The following MLLT10 variants were observed in gnomAD, a reference collection of about 807,000 sequenced individuals.
MLLT10 encodes the protein protein AF-10.
Under a neutral mutation model 129.1 loss-of-function variants are expected in MLLT10, and 30 were observed. That is an observed-to-expected ratio of 0.23 (90% confidence interval 0.17 to 0.32). The LOEUF (loss-of-function observed/expected upper bound fraction) is 0.32, where lower values mean the gene tolerates loss of function less well. MLLT10 is among the 10% of genes least tolerant of loss of function. The pLI, the probability that MLLT10 is intolerant of heterozygous loss-of-function variation, is 1.00. For synonymous variants in MLLT10, 490 were observed against 446.4 expected, an observed-to-expected ratio of 1.10 and a Z score of -1.23; for missense variants, 1,119 against 1,268.3, an observed-to-expected ratio of 0.88 and a Z score of 1.79.
At chr10:21,626,298 G>C in intron 8 of MLLT10, 1 of 1,275,540 alleles carries the variant, frequency 7.8e-7, no homozygotes, top group Non-Finnish European at 1.1e-6. Context: ...GGGCAGAGCA[G>C]GGGCTGGTGG....
At chr10:21,534,948 G>A (rs1483060573) in intron 2 of MLLT10, 144 bp downstream of exon 2, 1 of 342,140 alleles carries the variant, frequency 2.9e-6, no homozygotes, top group Non-Finnish European at 4.1e-6. Context: ...GGCGCGGGGG[G>A]TGTGGGCCGC....
intron 5 of MLLT10, among the ~76,000 whole-genome samples, chr10:21,609,463 C>T (rs986472503): frequency 5.3e-5 from 8 of 152,152 alleles, no homozygotes; most frequent in Non-Finnish European, 8.8e-5. Flanking sequence ...GCCCCCTGAG[C>T]TTTATTGATT....
intron 6 of MLLT10, among the ~76,000 whole-genome samples, chr10:21,614,460 T>C (rs2045025156): frequency 6.6e-6 from 1 of 152,138 alleles, no homozygotes; most frequent in South Asian, 2.1e-4. Flanking sequence ...GGCCTTTCCA[T>C]TTGTACCTGT....
In MLLT10 at chr10:21,743,207, A is replaced by G. The variant is rs1833892765; in HGVS notation, c.*1224A>G. ...TAGTGGAAAAGACCCAGCTGTAATTAGACCTCCACTGTGTACTTAGCTGGA... is the reference window on the plus strand; with the variant it reads ...TAGTGGAAAAGACCCAGCTGTAATTGGACCTCCACTGTGTACTTAGCTGGA... On this transcript the variant is annotated 3_prime_UTR_variant, in exon 23 of 23. Transcript: ENST00000307729. 1 of 229,026 alleles carries G rather than the reference A, an allele frequency of 4.4e-6. No individual in the cohort carries two copies. Among genetic ancestry groups the G allele is most frequent in the Non-Finnish European group, 8.7e-6 (1 of 115,302 alleles). The allele number at this position is 229,026 out of a possible 1,614,324, so 14.2% of individuals were successfully genotyped here. A position where few individuals can be genotyped will look rare whatever the true frequency, so the allele number is the denominator to read the frequency against.
At chr10:21,740,597 CT>C (rs1275637075) in intron 22 of MLLT10, among the ~76,000 whole-genome samples, 1 of 152,056 alleles carries the variant, frequency 6.6e-6, no homozygotes, top group Admixed American at 6.6e-5. Context: ...CTCCAAAGTG[CT>C]TTTTACACAT....
chr10:21,712,420 C>A (rs1219012925), intron 13 of MLLT10, among the ~76,000 whole-genome samples: 1 of 152,076 alleles, frequency 6.6e-6, no homozygotes, highest in African/African-American at 2.4e-5. Flanking sequence ...CTTTGTTGTC[C>A]AGGCTATGTT....
chr10:21,738,513 TGTC>T (rs1378613261), intron 21 of MLLT10: 1 of 1,288,180 alleles, frequency 7.8e-7, no homozygotes, highest in Admixed American at 2.3e-5. Context: ...CATCTGCCAA[TGTC>T]GTGGGCTAAA....
At chr10:21,547,844 A>G (rs1447924766) in intron 3 of MLLT10, among the ~76,000 whole-genome samples, 1 of 152,078 alleles carries the variant, frequency 6.6e-6, no homozygotes, top group East Asian at 1.9e-4. Flanking sequence ...TCTTATTTTG[A>G]ATCTTCTAAA....
At chr10:21,668,203 A>G (rs72794874) in intron 9 of MLLT10, among the ~76,000 whole-genome samples, 10 of 152,166 alleles carry the variant, frequency 6.6e-5, no homozygotes, top group African/African-American at 2.2e-4. Flanking sequence ...TGTTCATACT[A>G]TGATAGACAT....
chr10:21,589,652 A>G (rs1032735082), intron 4 of MLLT10, among the ~76,000 whole-genome samples: 1 of 152,114 alleles, frequency 6.6e-6, no homozygotes, highest in Non-Finnish European at 1.5e-5. Context: ...CCATCTCCAG[A>G]CATATATTTT....
intron 8 of MLLT10, among the ~76,000 whole-genome samples, chr10:21,647,167 AT>A (rs1030439336): frequency 6.6e-6 from 1 of 151,672 alleles, no homozygotes; most frequent in African/African-American, 2.4e-5. Context: ...TCTGTGACTT[AT>A]TTTAATGGCC....
At chr10:21,739,522 T>G (rs547698348) in intron 21 of MLLT10, among the ~76,000 whole-genome samples, 3 of 152,334 alleles carry the variant, frequency 2.0e-5, no homozygotes, top group African/African-American at 7.2e-5. Flanking sequence ...AACGTTTTCA[T>G]TTATTTCCCT....
chr10:21,720,809 T>C (rs1418589661), intron 14 of MLLT10, among the ~76,000 whole-genome samples: 1 of 152,200 alleles, frequency 6.6e-6, no homozygotes, highest in Non-Finnish European at 1.5e-5. Flanking sequence ...AAAATAATTT[T>C]TAAAGTTAAG....
At chr10:21,549,154 T>A (rs2036573088) in intron 3 of MLLT10, among the ~76,000 whole-genome samples, 1 of 151,102 alleles carries the variant, frequency 6.6e-6, no homozygotes, top group Non-Finnish European at 1.5e-5. Flanking sequence ...ACTTGAGTCT[T>A]GCTCTGTCAC....
At chr10:21,634,487 C>T (rs995463934) in intron 8 of MLLT10, among the ~76,000 whole-genome samples, 3 of 152,180 alleles carry the variant, frequency 2.0e-5, no homozygotes, top group African/African-American at 7.2e-5. Flanking sequence ...GTTAAGGTGT[C>T]GTCTACCAGA....
In MLLT10 at chr10:21,730,961, C is replaced by G; in HGVS notation, c.2125C>G (p.Leu709Val). 2 of 1,614,214 alleles carry G rather than the reference C, an allele frequency of 1.2e-6. No individual in the cohort carries two copies. The highest frequency in any genetic ancestry group is 1.7e-6 in the Non-Finnish European group (2 of 1,180,038). ...DQPGNSSLENLPPVAASIEQL... is the reference protein window; with the variant it reads ...DQPGNSSLENVPPVAASIEQL... ...ACCAGGCAACAGCAGTTTGGAAAAT[C>G]TGCCTCCAGTAGCAGCCAGCATAGA... is the stretch of plus-strand genomic sequence containing the variant. The change falls in exon 17 of 23, where the codon CTG (leucine) becomes GTG (valine). Residue 709 changes from leucine to valine, a missense_variant. Around this residue, in one of 5 missense-constraint regions of MLLT10, gnomAD observed 1,004 missense variants for 1,008.7 expected, o/e 1.00. Coordinates refer to ENST00000307729, the MANE Select transcript of MLLT10 (RefSeq NM_001195626.3).
rs551721693 is a variant in MLLT10, at chr10:21,626,530, G to C, written c.699+9323G>C. Among the ~76,000 whole-genome samples the C allele has an allele frequency of 4.9e-4, 74 of 152,266 alleles. No individual in the cohort carries two copies. In the South Asian group the frequency reaches 0.011, roughly 22 times the overall value. On this transcript the variant is annotated intron_variant, in intron 8 of 22. Coordinates refer to ENST00000307729, the MANE Select transcript of MLLT10 (RefSeq NM_001195626.3). Reference sequence around the variant, plus strand: ...GAAAGCTGCATTAATACATTCATGAGGGTAGTAGTCCCGTAACCCAAACGC... The same window carrying C: ...GAAAGCTGCATTAATACATTCATGACGGTAGTAGTCCCGTAACCCAAACGC...
At chr10:21,562,809 GTTTT>G (rs1160606066) in intron 3 of MLLT10, among the ~76,000 whole-genome samples, 1 of 76,606 alleles carries the variant, frequency 1.3e-5, no homozygotes, top group Non-Finnish European at 2.5e-5. Flanking sequence ...CATATACTTT[GTTTT>G]TTTTGTTTTT....
At chr10:21,642,821 T>G (rs1170278011) in intron 8 of MLLT10, among the ~76,000 whole-genome samples, 1 of 152,184 alleles carries the variant, frequency 6.6e-6, no homozygotes, top group Non-Finnish European at 1.5e-5. Flanking sequence ...TACACTTTTA[T>G]GAGGACATGA....
Sources: gnomAD v4.1 joint callset for allele counts (sites outside exome capture counted in the v4.1 genomes callset) on GRCh38, gnomAD v4.1.1 for gene constraint, gnomAD v4.1.1 regional missense constraint, MANE v1.5 for transcripts, NCBI Gene and HGNC (gene_info 2026-07-23, HGNC 2026-07-21) for gene names.